Variants in RPN1 observed in about 807,000 individuals in gnomAD.
The protein encoded by RPN1 is ribophorin I.
Under a neutral mutation model 55.5 loss-of-function variants are expected in RPN1, and 12 were observed. The observed-to-expected ratio is 0.22, with a 90% CI of 0.14 to 0.35. The LOEUF (loss-of-function observed/expected upper bound fraction) is 0.35, where lower values mean the gene tolerates loss of function less well. Ranked by LOEUF, RPN1 falls within the 10% of genes least tolerant of loss-of-function variation. The probability of loss-of-function intolerance (pLI) is 1.00; values close to 1 mark genes in which losing one functional copy is unlikely to be tolerated. For synonymous variants in RPN1, 317 were observed against 305.9 expected, an observed-to-expected ratio of 1.04 and a Z score of -0.38; for missense variants, 679 against 761.3, an observed-to-expected ratio of 0.89 and a Z score of 1.27.
intron 1 of RPN1, among the ~76,000 whole-genome samples, 168 bp downstream of exon 1, chr3:128,650,372 G>A (rs886621070): frequency 2.0e-5 from 3 of 150,730 alleles, no homozygotes; most frequent in African/African-American, 7.3e-5. Context: ...GGCCACCCAG[G>A]ACTCCTCGCG....
At chr3:128,647,768 CTTAT>C (rs748189952) in intron 1 of RPN1, among the ~76,000 whole-genome samples, 2 of 150,990 alleles carry the variant, frequency 1.3e-5, no homozygotes, top group African/African-American at 2.4e-5. Flanking sequence ...GTTATACAGA[CTTAT>C]TTGTTTTATT....
chr3:128,634,281 T>C (rs945921267), intron 3 of RPN1, among the ~76,000 whole-genome samples: 2 of 151,100 alleles, frequency 1.3e-5, no homozygotes, highest in Non-Finnish European at 2.9e-5. Flanking sequence ...TGAGCTGAGA[T>C]TGCACCACTA....
intron 8 of RPN1, among the ~76,000 whole-genome samples, chr3:128,624,637 T>C (rs2069586152): frequency 6.6e-6 from 1 of 152,036 alleles, no homozygotes; most frequent in Non-Finnish European, 1.5e-5. Context: ...TTCCCCACCT[T>C]CTTTGCCTGT....
chr3:128,640,319 A>G (rs1252558409), intron 2 of RPN1, among the ~76,000 whole-genome samples: 1 of 152,192 alleles, frequency 6.6e-6, no homozygotes, highest in Non-Finnish European at 1.5e-5. Flanking sequence ...ATAAGCTTCA[A>G]TGAGTTTGTC....
chr3:128,633,040 T>C (rs1277034805), intron 3 of RPN1, among the ~76,000 whole-genome samples: 1 of 152,206 alleles, frequency 6.6e-6, no homozygotes, highest in Non-Finnish European at 1.5e-5. Context: ...CGCTAGTTTA[T>C]TCACTCATTC....
At chr3:128,638,665 A>G (rs1035180877) in intron 2 of RPN1, among the ~76,000 whole-genome samples, 1 of 152,040 alleles carries the variant, frequency 6.6e-6, no homozygotes, top group Non-Finnish European at 1.5e-5. Context: ...TTAAATTACT[A>G]TATTAAAGGT....
At chr3:128,630,471 CG>C (rs1214091798) in intron 4 of RPN1, among the ~76,000 whole-genome samples, 2 of 152,032 alleles carry the variant, frequency 1.3e-5, no homozygotes, top group Non-Finnish European at 2.9e-5. Flanking sequence ...AGATAGAAGA[CG>C]GAAGAAATTT....
rs1466471219 is a variant in RPN1 at position 128,622,533 on chromosome 3, C to CA, written c.1396-125dup. ...ATGAAATGCCACCTTCTTGGAAAGT[C>CA]AAAGTCAAACCCCTACTGATACCTA... is the stretch of plus-strand genomic sequence containing the variant. On this transcript the variant is annotated intron_variant, in intron 8 of 9. Coordinates refer to ENST00000296255, the MANE Select transcript of RPN1 (RefSeq NM_002950.4). The CA allele has an allele frequency of 3.0e-5, 36 of 1,214,618 alleles. No homozygotes were observed. In the East Asian group the frequency reaches 7.9e-4, roughly 27 times the overall value. The allele number at this position is 1,214,618 out of a possible 1,614,324, so 75.2% of individuals were successfully genotyped here. A position where few individuals can be genotyped will look rare whatever the true frequency, so the allele number is the denominator to read the frequency against.
intron 3 of RPN1, among the ~76,000 whole-genome samples, chr3:128,635,103 C>T (rs1316957650): frequency 6.6e-6 from 1 of 152,006 alleles, no homozygotes; most frequent in African/African-American, 2.4e-5. Flanking sequence ...GGCACAGAGA[C>T]CCTCTCTCTC....
chr3:128,625,697 A>T, intron 7 of RPN1, 44 bp from the exon 8 acceptor site: 1 of 1,612,678 alleles, frequency 6.2e-7, no homozygotes. Context: ...CTGTAGGGAC[A>T]TGGGAGCCTA....
intron 4 of RPN1, among the ~76,000 whole-genome samples, chr3:128,630,663 G>C (rs906760674): frequency 6.6e-6 from 1 of 151,850 alleles, no homozygotes; most frequent in Non-Finnish European, 1.5e-5. Context: ...TTCATTTATG[G>C]GACAAAAAAG....
intron 6 of RPN1, 31 bp downstream of exon 6, chr3:128,626,702 G>A (rs767965290): frequency 1.1e-5 from 18 of 1,586,188 alleles, no homozygotes; most frequent in East Asian, 2.2e-5. Context: ...CAGAGAAATC[G>A]GGTGCAAAGG....
rs1045907278 is a variant in RPN1, at chr3:128,650,791, G to A, written c.10C>T (p.Pro4Ser). ...AGGAGCAGAAACAAGCCGGCGGCTG[G>A]CGCCTCCATGACCGGGAAGAGCAGT... MEAPAAGLFLLLLL... is the reference protein window; with the variant it reads MEASAAGLFLLLLL... Residue 4 changes from proline (P) to serine (S), a missense_variant, in exon 1 of 10, where the codon CCA becomes TCA. This residue lies in a region of RPN1 where 352 missense variants were observed against 352.8 expected (regional missense o/e 1.00). Transcript: ENST00000296255. The A allele has an allele frequency of 2.6e-6, 4 of 1,533,726 alleles. No individual in the cohort carries two copies. Among genetic ancestry groups the A allele is most frequent in the Admixed American group, 2.0e-5 (1 of 49,974 alleles).
chr3:128,627,838 G>A (rs1263904974), intron 5 of RPN1, among the ~76,000 whole-genome samples: 1 of 151,284 alleles, frequency 6.6e-6, no homozygotes, highest in African/African-American at 2.4e-5. Context: ...ACCCCTGTAA[G>A]AAAATGAAAA....
At chr3:128,624,399 G>A (rs888110353) in intron 8 of RPN1, among the ~76,000 whole-genome samples, 2 of 151,778 alleles carry the variant, frequency 1.3e-5, no homozygotes, top group East Asian at 1.9e-4. Flanking sequence ...AGAATTGCTC[G>A]AACCCAGGAG....
chr3:128,635,008 T>C (rs1323160998), intron 3 of RPN1, among the ~76,000 whole-genome samples: 8 of 152,244 alleles, frequency 5.3e-5, no homozygotes, highest in African/African-American at 1.9e-4. Context: ...AATCATGCAG[T>C]TAGAGAAAGC....
chr3:128,647,290 T>A (rs2069775956), intron 1 of RPN1, among the ~76,000 whole-genome samples: 1 of 152,194 alleles, frequency 6.6e-6, no homozygotes, highest in Admixed American at 6.5e-5. Context: ...ATTGGAGAAC[T>A]TTTAAAATAT....
Position 128,620,418 on chromosome 3 carries a change from G to T in RPN1, c.1817C>A (p.Ala606Asp). The change falls in exon 10 of 10, where the codon GCC (alanine) becomes GAC (aspartate). Residue 606 changes from alanine to aspartate, a missense_variant. Ala to Asp is a moderately radical substitution (Grantham distance 126, BLOSUM62 -2). Transcript: ENST00000296255. ...LVTKIDHILD[A>D]L The stretch of plus-strand genomic sequence containing the variant: ...GGAGGATGCGGGCAGGGGCTACAGG[G>T]CATCCAGGATGTGGTCGATCTTGGT... 6.2e-7 allele frequency: 1 copy of T among 1,613,120 alleles called. No homozygotes were observed. Among genetic ancestry groups the T allele is most frequent in the Non-Finnish European group, 8.5e-7 (1 of 1,179,388 alleles).
At chr3:128,624,589 G>C (rs993146288) in intron 8 of RPN1, among the ~76,000 whole-genome samples, 6 of 151,958 alleles carry the variant, frequency 3.9e-5, no homozygotes, top group African/African-American at 1.5e-4. Flanking sequence ...ACCCCTCCCT[G>C]CTGTCTCACA....
Sources: gnomAD v4.1 joint callset for allele counts (sites outside exome capture counted in the v4.1 genomes callset) on GRCh38, gnomAD v4.1.1 for gene constraint, gnomAD v4.1.1 regional missense constraint, MANE v1.5 for transcripts, NCBI Gene and HGNC (gene_info 2026-07-23, HGNC 2026-07-21) for gene names.